ABL2: variants seen among roughly 807,000 people sequenced by gnomAD.
ABL2 encodes the protein ABL proto-oncogene 2, non-receptor tyrosine kinase.
In ABL2, 49 loss-of-function variants were observed where a neutral mutation model predicts 107.7. The observed-to-expected ratio is 0.45, with a 90% CI of 0.36 to 0.58. The LOEUF is 0.58. Among genes scored for constraint, ABL2 ranks in the 20% least tolerant of loss-of-function variants. The pLI is 0.00. For missense variants in ABL2, 1,245 were observed against 1,457.0 expected, an observed-to-expected ratio of 0.85 and a Z score of 2.37; for synonymous variants, 549 against 548.6, an observed-to-expected ratio of 1.00 and a Z score of -0.01.
In ABL2 at chr1:179,108,957, G is replaced by A. The variant is rs1557906250; in HGVS notation, c.2310C>T (p.Ala770=). ...GAAAAGGCTTGGAAGTGTCATCACTGGCTGTGGGTTTACCTGCTCGTAAGC... is the reference window on the plus strand; with the variant it reads ...GAAAAGGCTTGGAAGTGTCATCACTAGCTGTGGGTTTACCTGCTCGTAAGC... ...TLGLRAGKPT[A]SDDTSKPFPR... Residue 770 remains alanine (A), a synonymous_variant, in exon 12 of 12, where the codon GCC becomes GCT. Coordinates refer to ENST00000502732, the MANE Select transcript of ABL2 (RefSeq NM_007314.4). 6.2e-7 allele frequency: 1 copy of A among 1,614,132 alleles called. No homozygotes were observed.
At chr1:179,135,813 C>CGGGA (rs527776187) in intron 1 of ABL2, among the ~76,000 whole-genome samples, 2 of 145,430 alleles carry the variant, frequency 1.4e-5, no homozygotes, top group East Asian at 2.1e-4. Flanking sequence ...CCGCCCCGTC[C>CGGGA]GGGAGGGAGG....
intron 1 of ABL2, among the ~76,000 whole-genome samples, chr1:179,192,402 T>G (rs1355679066): frequency 1.3e-5 from 2 of 152,240 alleles, no homozygotes; most frequent in Admixed American, 6.5e-5. Context: ...CATAACATCC[T>G]ATAAAATTAT....
Position 179,110,262 on chromosome 1 carries a change from A to G in ABL2, c.1825+20T>C, listed in dbSNP as rs9726461. On this transcript the variant is annotated intron_variant, in intron 11 of 11. Coordinates refer to ENST00000502732, the MANE Select transcript of ABL2 (RefSeq NM_007314.4). ...ACAAGGCAGTTTCTATTTTGATTCT[A>G]CCTGCTAAGGGACCCATACCTGGTG... is the stretch of plus-strand genomic sequence containing the variant. 6.0e-4 allele frequency: 975 copies of G among 1,613,770 alleles called. 2 individuals carry two copies. The African/African-American group carries it at 0.01, about 17-fold the overall frequency.
intron 3 of ABL2, among the ~76,000 whole-genome samples, chr1:179,128,187 C>A (rs992034035): frequency 6.6e-6 from 1 of 151,966 alleles, no homozygotes; most frequent in Non-Finnish European, 1.5e-5. Context: ...ACCTTAGACA[C>A]ATGGATATGA....
chr1:179,139,395 G>A (rs546256957), intron 1 of ABL2, among the ~76,000 whole-genome samples: 9 of 152,032 alleles, frequency 5.9e-5, no homozygotes, highest in Non-Finnish European at 1.2e-4. Flanking sequence ...AAGAAACTCC[G>A]AACACATCTG....
At chr1:179,197,493 TA>T (rs1661386636) in intron 1 of ABL2, among the ~76,000 whole-genome samples, 2 of 150,086 alleles carry the variant, frequency 1.3e-5, no homozygotes, top group African/African-American at 4.9e-5. Flanking sequence ...CAATACATTA[TA>T]GTTAACTAAT....
Position 179,215,451 on chromosome 1 carries a change from T to C in ABL2, c.157+13790A>G, listed in dbSNP as rs1304510117. Among the ~76,000 whole-genome samples, 5 of 152,102 alleles carry C rather than the reference T, an allele frequency of 3.3e-5. No homozygotes were observed. The East Asian group carries it at 7.7e-4, about 23-fold the overall frequency. On this transcript the variant is annotated intron_variant, in intron 1 of 11. Transcript: ENST00000502732. ...TATTTTTATGCAACTGAAAAATGCA[T>C]GGCCAGGCACTGTGGCTCACGCCTG...
intron 1 of ABL2, among the ~76,000 whole-genome samples, chr1:179,136,064 C>T (rs1200246581): frequency 2.0e-4 from 29 of 144,764 alleles, no homozygotes; most frequent in African/African-American, 5.4e-4. Flanking sequence ...CCCGGCCAGC[C>T]GCCCCGTCCA....
In ABL2 at chr1:179,107,984, G is replaced by T. The variant is rs149947908; in HGVS notation, c.3283C>A (p.Leu1095Ile). ...GGTTCCGTGAGTGCACTGGACAGTA[G>T]GTCAGCACATTCCAGCAGGGCCTCT... ...SKEALLECAD[L>I]LSSALTEPVP... Residue 1095 changes from leucine (L) to isoleucine (I), a missense_variant, in exon 12 of 12, where the codon CTA becomes ATA. Around this residue, in one of 3 missense-constraint regions of ABL2, gnomAD observed 761 missense variants for 766.4 expected, o/e 0.99. Coordinates refer to ENST00000502732, the MANE Select transcript of ABL2 (RefSeq NM_007314.4). 3.7e-6 allele frequency: 6 copies of T among 1,614,136 alleles called. No individual in the cohort carries two copies. In the African/African-American group the frequency reaches 5.3e-5, roughly 14 times the overall value.
intron 1 of ABL2, among the ~76,000 whole-genome samples, chr1:179,210,999 C>G (rs1254839307): frequency 6.6e-6 from 1 of 152,082 alleles, no homozygotes; most frequent in African/African-American, 2.4e-5. Context: ...TTGCTCAGAG[C>G]TGACGCCACC....
intron 1 of ABL2, among the ~76,000 whole-genome samples, chr1:179,170,598 T>C (rs1313485833): frequency 6.6e-6 from 1 of 151,716 alleles, no homozygotes; most frequent in South Asian, 2.1e-4. Flanking sequence ...TGTATTTGTA[T>C]TTATTTATTT....
At chr1:179,170,422 CT>C (rs796159869) in intron 1 of ABL2, among the ~76,000 whole-genome samples, 243 of 145,956 alleles carry the variant, frequency 1.7e-3, no homozygotes, top group Non-Finnish European at 2.2e-3. Flanking sequence ...TTAAAGAATG[CT>C]TTTTTTTTTT....
chr1:179,136,206 G>A (rs1356108625), intron 1 of ABL2, among the ~76,000 whole-genome samples: 1 of 151,992 alleles, frequency 6.6e-6, no homozygotes, highest in African/African-American at 2.4e-5. Flanking sequence ...CGTCTGGGAG[G>A]TGTACCCAAC....
chr1:179,136,656 C>G (rs1485648524), intron 1 of ABL2, among the ~76,000 whole-genome samples: 1 of 148,924 alleles, frequency 6.7e-6, no homozygotes, highest in African/African-American at 2.5e-5. Context: ...CACTATTGTC[C>G]TGTGACCCTG....
rs1009580490 is a variant in ABL2, at chr1:179,229,634, G to GCCGCCGCCGCCGCCGCCGCCA, written c.-258_-238dup. ...CCTGTCGCGGCTCCGCGCCCCCAAC[G>GCCGCCGCCGCCGCCGCCGCCA]CCGCCGCCGCCGCCGCCGCCACCGC... is the stretch of plus-strand genomic sequence containing the variant. On this transcript the variant is annotated 5_prime_UTR_variant, in exon 1 of 12. Transcript: ENST00000502732. 19 of 336,482 alleles carry GCCGCCGCCGCCGCCGCCGCCA rather than the reference G, an allele frequency of 5.6e-5. No individual in the cohort carries two copies. The highest frequency in any genetic ancestry group is 2.9e-4 in the African/African-American group (12 of 41,740). 20.8% of individuals were successfully genotyped at this position (336,482 alleles called of 1,614,324 possible). A position where few individuals can be genotyped will look rare whatever the true frequency, so the allele number is the denominator to read the frequency against.
chr1:179,189,897 G>A (rs879436426), intron 1 of ABL2, among the ~76,000 whole-genome samples: 3 of 151,400 alleles, frequency 2.0e-5, no homozygotes, highest in Non-Finnish European at 1.5e-5. Flanking sequence ...CTCGGCTCAT[G>A]GCAACCTCCG....
In ABL2 at chr1:179,102,901, A is replaced by C. The variant is rs566933379; in HGVS notation, c.*4817T>G. The C allele has an allele frequency of 2.2e-5, 5 of 226,430 alleles. 1 individual carries two copies. Among genetic ancestry groups the C allele is most frequent in the Non-Finnish European group, 4.4e-5 (5 of 113,884 alleles). 14.0% of individuals were successfully genotyped at this position (226,430 alleles called of 1,614,324 possible). On this transcript the variant is annotated 3_prime_UTR_variant, in exon 12 of 12. Coordinates refer to ENST00000502732, the MANE Select transcript of ABL2 (RefSeq NM_007314.4). ...TTATAACTGGTAGGAAATCCTAGAAAAGTAATTCCCAAAGTGCACTGGTTT... is the reference window on the plus strand; with the variant it reads ...TTATAACTGGTAGGAAATCCTAGAACAGTAATTCCCAAAGTGCACTGGTTT...
chr1:179,164,331 G>C (rs1438872121), intron 1 of ABL2, among the ~76,000 whole-genome samples: 1 of 152,118 alleles, frequency 6.6e-6, no homozygotes, highest in African/African-American at 2.4e-5. Context: ...AACTACAGAT[G>C]AGAATTTTGC....
chr1:179,127,971 G>A (rs1655894267), intron 3 of ABL2, among the ~76,000 whole-genome samples: 1 of 150,204 alleles, frequency 6.7e-6, no homozygotes. Context: ...GGAGGCTGAG[G>A]TTGCAGTGAG....
Sources: gnomAD v4.1 joint callset for allele counts (sites outside exome capture counted in the v4.1 genomes callset) on GRCh38, gnomAD v4.1.1 for gene constraint, gnomAD v4.1.1 regional missense constraint, MANE v1.5 for transcripts, NCBI Gene and HGNC (gene_info 2026-07-23, HGNC 2026-07-21) for gene names.